The following CHODL variants were observed in gnomAD, a reference collection of about 807,000 sequenced individuals.
CHODL encodes the protein chondrolectin.
A neutral mutation model predicts 34.5 loss-of-function variants in CHODL; 29 were observed. That is an observed-to-expected ratio of 0.84 (90% confidence interval 0.63 to 1.15). CHODL has a LOEUF of 1.15. Ranked by LOEUF, CHODL falls within the 50% of genes most tolerant of loss-of-function variation. The pLI, the probability that CHODL is intolerant of heterozygous loss-of-function variation, is 0.00. For missense variants in CHODL, 332 were observed against 332.5 expected (o/e 1.00, Z 0.01); for synonymous variants, 125 against 116.1 (o/e 1.08, Z -0.49).
At chr21:18,195,856 CT>C (rs1170652499) in intron 2 of CHODL, among the ~76,000 whole-genome samples, 1 of 152,098 alleles carries the variant, frequency 6.6e-6, no homozygotes, top group African/African-American at 2.4e-5. Flanking sequence ...ATAAATCAGT[CT>C]TTTTTTATGG....
chr21:18,071,035 T>C (rs2064797952), intron 2 of CHODL, among the ~76,000 whole-genome samples: 1 of 152,076 alleles, frequency 6.6e-6, no homozygotes, highest in Non-Finnish European at 1.5e-5. Flanking sequence ...TAAAGCCCTG[T>C]TGATTTTCTT....
chr21:17,938,433 T>G (rs1019795064), intron 1 of CHODL, among the ~76,000 whole-genome samples: 3 of 149,540 alleles, frequency 2.0e-5, no homozygotes, highest in Non-Finnish European at 4.5e-5. Flanking sequence ...GAACTCCGAT[T>G]TTAAATAAAA....
intron 2 of CHODL, among the ~76,000 whole-genome samples, chr21:18,078,458 A>C (rs1178509861): frequency 1.3e-5 from 2 of 152,178 alleles, no homozygotes; most frequent in East Asian, 1.9e-4. Flanking sequence ...GCTACAATTC[A>C]AGATGAAATT....
intron 2 of CHODL, among the ~76,000 whole-genome samples, chr21:18,076,198 G>A (rs1251801297): frequency 1.3e-5 from 2 of 152,156 alleles, no homozygotes; most frequent in African/African-American, 4.8e-5. Context: ...GATAGAGATT[G>A]GAAGAGTTGT....
intron 1 of CHODL, among the ~76,000 whole-genome samples, chr21:17,936,386 T>C (rs906315320): frequency 6.6e-6 from 1 of 151,674 alleles, no homozygotes; most frequent in African/African-American, 2.4e-5. Flanking sequence ...GAAACAAGTG[T>C]GGAAGGTAGA....
intron 2 of CHODL, among the ~76,000 whole-genome samples, chr21:18,117,342 C>T (rs142823322): frequency 8.4e-4 from 128 of 152,226 alleles, no homozygotes; most frequent in African/African-American, 3.0e-3. Flanking sequence ...AGTGGTATGA[C>T]GAGATAAATA....
intron 1 of CHODL, among the ~76,000 whole-genome samples, chr21:17,968,648 C>G (rs1404928804): frequency 6.6e-6 from 1 of 152,162 alleles, no homozygotes; most frequent in Non-Finnish European, 1.5e-5. Flanking sequence ...TTCCCCTTCC[C>G]TCTCCCTAGT....
intron 2 of CHODL, among the ~76,000 whole-genome samples, chr21:18,159,265 G>A (rs1378764952): frequency 1.3e-5 from 2 of 152,116 alleles, no homozygotes; most frequent in African/African-American, 4.8e-5. Flanking sequence ...CCTGGCATAA[G>A]GTAAGAAAAC....
chr21:18,200,627 G>T (rs918687864), intron 2 of CHODL, among the ~76,000 whole-genome samples: 1 of 152,128 alleles, frequency 6.6e-6, no homozygotes, highest in East Asian at 1.9e-4. Context: ...TGGAAAAAAA[G>T]ATTGAAGCAG....
chr21:18,172,844 G>A (rs777052453), intron 2 of CHODL, among the ~76,000 whole-genome samples: 1 of 152,076 alleles, frequency 6.6e-6, no homozygotes, highest in African/African-American at 2.4e-5. Flanking sequence ...TGCTCAGGAG[G>A]GTTCTTTGCT....
At chr21:18,068,241 GGCTGGA>G (rs1256864747) in intron 2 of CHODL, among the ~76,000 whole-genome samples, 2 of 150,376 alleles carry the variant, frequency 1.3e-5, no homozygotes, top group African/African-American at 4.9e-5. Context: ...TTGTAGCCCA[GGCTGGA>G]GTGCAGTGGT....
intron 2 of CHODL, among the ~76,000 whole-genome samples, chr21:18,219,464 G>A (rs531630047): frequency 6.6e-6 from 1 of 152,216 alleles, no homozygotes; most frequent in African/African-American, 2.4e-5. Context: ...TTAAAGGTGA[G>A]ATTTGGGTGG....
chr21:18,029,690 G>A (rs1337274520), intron 2 of CHODL, among the ~76,000 whole-genome samples: 1 of 152,064 alleles, frequency 6.6e-6, no homozygotes, highest in Non-Finnish European at 1.5e-5. Context: ...TTCCCACAAA[G>A]AGACAAAGGA....
In CHODL at chr21:18,021,979, GTT is replaced by G. The variant is rs2064132211; in HGVS notation, c.-144-5891_-144-5890del. Reference sequence around the variant, plus strand: ...GGTGAGGCCTTTGGGAGGCAATTAGGTTTAGGGGAGGTCATGAGGGTGAAGCC... The same window carrying G: ...GGTGAGGCCTTTGGGAGGCAATTAGGTAGGGGAGGTCATGAGGGTGAAGCC... On this transcript the variant is annotated intron_variant, in intron 1 of 6. Coordinates refer to the CHODL transcript ENST00000400127. 3.9e-5 allele frequency among the ~76,000 whole-genome samples: 6 copies of G among 152,160 alleles called. 1 individual carries two copies. The highest frequency in any genetic ancestry group is 2.6e-4 in the Admixed American group (4 of 15,274).
In CHODL at chr21:18,071,271, G is replaced by A. The variant is rs375848252; in HGVS notation, c.-45+43300G>A. On this transcript the variant is annotated intron_variant, in intron 2 of 6. Coordinates refer to the CHODL transcript ENST00000400127. The stretch of plus-strand genomic sequence containing the variant: ...AAATGATTCTCCCGCCACAGCCTCC[G>A]GAGTAGCTAGGACTACAGGTGCATG... Among the ~76,000 whole-genome samples the A allele has an allele frequency of 1.5e-3, 232 of 150,188 alleles. 2 individuals carry two copies. Among genetic ancestry groups the A allele is most frequent in the African/African-American group, 5.4e-3 (219 of 40,838 alleles).
intron 2 of CHODL, among the ~76,000 whole-genome samples, chr21:18,203,733 T>C (rs2073681685): frequency 6.6e-6 from 1 of 152,138 alleles, no homozygotes; most frequent in South Asian, 2.1e-4. Flanking sequence ...CAAAGGAACA[T>C]ATTAATGTGC....
At chr21:18,182,886 C>T (rs1031988349) in intron 2 of CHODL, among the ~76,000 whole-genome samples, 1 of 152,192 alleles carries the variant, frequency 6.6e-6, no homozygotes, top group Non-Finnish European at 1.5e-5. Flanking sequence ...CACCCACTCT[C>T]TCCACATTTG....
chr21:17,982,239 C>T (rs2063719646), intron 1 of CHODL, among the ~76,000 whole-genome samples: 2 of 152,304 alleles, frequency 1.3e-5, no homozygotes, highest in Non-Finnish European at 1.5e-5. Flanking sequence ...AAGAGCTGTA[C>T]CTTTCAATTG....
intron 2 of CHODL, among the ~76,000 whole-genome samples, chr21:18,039,083 GGAT>G (rs1375818635): frequency 6.6e-6 from 1 of 151,484 alleles, no homozygotes; most frequent in Non-Finnish European, 1.5e-5. Context: ...TCCCATTTTG[GGAT>G]GGAAGCTATT....
Sources: gnomAD v4.1 joint callset for allele counts (sites outside exome capture counted in the v4.1 genomes callset) on GRCh38, gnomAD v4.1.1 for gene constraint, MANE v1.5 for transcripts, NCBI Gene and HGNC (gene_info 2026-07-23, HGNC 2026-07-21) for gene names.